PIEZO2: variants seen among roughly 807,000 people sequenced by gnomAD.
PIEZO2 encodes piezo-type mechanosensitive ion channel component 2.
Under a neutral mutation model 337.3 loss-of-function variants are expected in PIEZO2, and 172 were observed. The ratio of observed to expected loss-of-function variants is 0.51; its 90% confidence interval spans 0.45 to 0.58. The LOEUF is 0.58. Ranked by LOEUF, PIEZO2 falls within the 20% of genes least tolerant of loss-of-function variation. PIEZO2 has a pLI of 0.00. For missense variants in PIEZO2, 3,028 were observed against 3,391.3 expected (o/e 0.89, Z 2.66); for synonymous variants, 1,251 against 1,228.5 (o/e 1.02, Z -0.38).
Position 11,148,445 on chromosome 18 carries a change from C to G in PIEZO2, c.64+80G>C. 2 of 1,463,946 alleles carry G rather than the reference C, an allele frequency of 1.4e-6. No individual in the cohort carries two copies. Among genetic ancestry groups the G allele is most frequent in the Non-Finnish European group, 1.8e-6 (2 of 1,081,368 alleles). The allele number at this position is 1,463,946 out of a possible 1,614,324, so 90.7% of individuals were successfully genotyped here. ...AATCGAACCCCAGAGCACCAGAGCC[C>G]TTCACTTTGTTAAGAAGTCCCCCAC... On this transcript the variant is annotated intron_variant, in intron 1 of 55. Transcript: ENST00000674853. The surrounding 1 kb of genome is among the most constrained non-coding windows in gnomAD (Gnocchi z 5.2).
chr18:10,868,197 AT>A (rs1342187803), intron 5 of PIEZO2, among the ~76,000 whole-genome samples: 1 of 152,244 alleles, frequency 6.6e-6, no homozygotes, highest in Non-Finnish European at 1.5e-5. Context: ...GCACCAGCAG[AT>A]TAATCCTGCC....
Position 10,833,950 on chromosome 18 carries a change from A to G in PIEZO2, c.917+21403T>C, listed in dbSNP as rs2040927798. 6.6e-6 allele frequency among the ~76,000 whole-genome samples: 1 copy of G among 152,244 alleles called. No homozygotes were observed. Among genetic ancestry groups the G allele is most frequent in the African/African-American group, 2.4e-5 (1 of 41,472 alleles). ...TCAAAACTTTTCCATGCAGTAGAAG[A>G]GCAGAATAGGAGAGTGATTTAGAAT... On this transcript the variant is annotated intron_variant, in intron 7 of 55. Coordinates refer to ENST00000674853, the MANE Select transcript of PIEZO2 (RefSeq NM_001378183.1). This position sits in a 1 kb window ranked among gnomAD's most constrained non-coding sequence, Gnocchi z 4.7.
intron 1 of PIEZO2, among the ~76,000 whole-genome samples, chr18:11,135,190 G>A (rs1437792780): frequency 6.6e-6 from 1 of 152,150 alleles, no homozygotes; most frequent in Non-Finnish European, 1.5e-5. Flanking sequence ...AGCCAAAACA[G>A]AAACCTAGAA....
chr18:10,971,264 C>T (rs2034225986), intron 3 of PIEZO2, among the ~76,000 whole-genome samples: 2 of 152,200 alleles, frequency 1.3e-5, no homozygotes, highest in Admixed American at 6.5e-5. Flanking sequence ...TGGCGACAGC[C>T]TCAGGATCTA....
At chr18:10,703,687 T>A (rs9789205) in intron 42 of PIEZO2, among the ~76,000 whole-genome samples, 10,340 of 151,994 alleles carry the variant, frequency 0.068, 582 homozygotes, top group East Asian at 0.22. Context: ...GCTTTTTTTT[T>A]TAAAGTCCCT....
intron 4 of PIEZO2, among the ~76,000 whole-genome samples, chr18:10,890,924 A>T (rs1465607029): frequency 2.0e-5 from 3 of 152,196 alleles, no homozygotes; most frequent in Non-Finnish European, 4.4e-5. Flanking sequence ...TTTTTTCTGT[A>T]ATATAATAGA....
chr18:11,103,786 CGTGTGTGTGTGT>C (rs71364107), intron 1 of PIEZO2, among the ~76,000 whole-genome samples: 2 of 148,296 alleles, frequency 1.3e-5, no homozygotes, highest in Non-Finnish European at 3.0e-5. Flanking sequence ...AGATGCTGGT[CGTGTGTGTGTGT>C]GTGTGTGTGT....
intron 2 of PIEZO2, among the ~76,000 whole-genome samples, chr18:11,057,590 C>T (rs569008040): frequency 4.7e-4 from 72 of 152,260 alleles, no homozygotes; most frequent in Middle Eastern, 3.4e-3. Flanking sequence ...AAGAAAGAAC[C>T]GTCTGATAAT....
chr18:11,133,682 C>T lies in PIEZO2; in HGVS notation c.64+14843G>A, dbSNP rs551817612. On this transcript the variant is annotated intron_variant, in intron 1 of 55. Transcript: ENST00000674853. Reference sequence around the variant, plus strand: ...CCTTCCTGCCCTCAAATATCAGACTCCAAGTTCTTCAGTTTTGGGAGTTGG... The same window carrying T: ...CCTTCCTGCCCTCAAATATCAGACTTCAAGTTCTTCAGTTTTGGGAGTTGG... Among the ~76,000 whole-genome samples the T allele has an allele frequency of 1.3e-3, 198 of 152,132 alleles. 1 individual carries two copies. The Middle Eastern group carries it at 0.014, about 10-fold the overall frequency.
chr18:11,117,072 C>T (rs1393562689), intron 1 of PIEZO2, among the ~76,000 whole-genome samples: 1 of 152,142 alleles, frequency 6.6e-6, no homozygotes, highest in Non-Finnish European at 1.5e-5. Context: ...CTCCACTGCA[C>T]TCTAGCCTGG....
intron 34 of PIEZO2, among the ~76,000 whole-genome samples, chr18:10,736,231 G>T (rs147372522): frequency 5.3e-5 from 8 of 152,046 alleles, no homozygotes; most frequent in African/African-American, 1.9e-4. Context: ...TTTCATTATC[G>T]CCTTACATTG....
intron 4 of PIEZO2, 94 bp from the exon 5 acceptor site, chr18:10,871,509 T>G: frequency 8.3e-7 from 1 of 1,210,150 alleles, no homozygotes; most frequent in African/African-American, 1.5e-5. Flanking sequence ...TTCTTAATGA[T>G]TTAAAATAAA....
intron 3 of PIEZO2, among the ~76,000 whole-genome samples, chr18:10,931,171 T>G (rs2032058266): frequency 6.6e-6 from 1 of 152,028 alleles, no homozygotes; most frequent in Admixed American, 6.6e-5. Flanking sequence ...TCTAAATATA[T>G]ATCTACTTAT....
Position 10,691,265 on chromosome 18 carries a change from T to A in PIEZO2, c.7309A>T (p.Thr2437Ser). ...YPTRVLGNFLTKSYNYVNLFL... is the reference protein window; with the variant it reads ...YPTRVLGNFLSKSYNYVNLFL... ...AGGTTGACGTAATTGTAGCTCTTGG[T>A]GAGGAAGTTCCCCAGGACTCGCGTT... The change falls in exon 48 of 56, where the codon ACC (threonine) becomes TCC (serine). Residue 2437 changes from threonine (T) to serine (S), a missense_variant. Thr to Ser is a moderately conservative substitution (Grantham distance 58, BLOSUM62 1). Coordinates refer to ENST00000674853, the MANE Select transcript of PIEZO2 (RefSeq NM_001378183.1). 6.2e-7 allele frequency: 1 copy of A among 1,614,054 alleles called. No homozygotes were observed. Among genetic ancestry groups the A allele is most frequent in the Non-Finnish European group, 8.5e-7 (1 of 1,180,010 alleles).
At chr18:11,015,711 G>A (rs1474335545) in intron 2 of PIEZO2, among the ~76,000 whole-genome samples, 2 of 152,020 alleles carry the variant, frequency 1.3e-5, no homozygotes, top group Non-Finnish European at 2.9e-5. Context: ...CTAAGCTGCA[G>A]AACAGGAACG....
At chr18:10,960,171 C>T (rs1467102546) in intron 3 of PIEZO2, among the ~76,000 whole-genome samples, 1 of 152,038 alleles carries the variant, frequency 6.6e-6, no homozygotes, top group Non-Finnish European at 1.5e-5. Flanking sequence ...CCTAAAAATG[C>T]CAAACCAACA....
chr18:11,019,741 T>C (rs906484998), intron 2 of PIEZO2, among the ~76,000 whole-genome samples: 11 of 152,234 alleles, frequency 7.2e-5, no homozygotes, highest in African/African-American at 1.9e-4. Flanking sequence ...GATTTTTGTA[T>C]GCCACTGAGA....
At chr18:11,088,935 C>T (rs1408244666) in intron 1 of PIEZO2, among the ~76,000 whole-genome samples, 1 of 152,212 alleles carries the variant, frequency 6.6e-6, no homozygotes, top group African/African-American at 2.4e-5. Flanking sequence ...AAGAAATGGA[C>T]TCCAAATGGG....
At chr18:11,147,703 GAGA>G (rs1291596003) in intron 1 of PIEZO2, among the ~76,000 whole-genome samples, 2 of 152,206 alleles carry the variant, frequency 1.3e-5, no homozygotes, top group African/African-American at 2.4e-5. Flanking sequence ...CCTGTTTGAG[GAGA>G]AGATCAGAAA....
Sources: allele counts gnomAD v4.1 joint callset (sites outside exome capture counted in the v4.1 genomes callset), GRCh38; gene constraint gnomAD v4.1.1; non-coding constraint Gnocchi (gnomAD v3.1); transcripts MANE v1.5; gene names NCBI Gene and HGNC (gene_info 2026-07-23, HGNC 2026-07-21).